MAP3K7CL: variants seen among roughly 807,000 people sequenced by gnomAD.
MAP3K7CL encodes MAP3K7 C-terminal-like protein.
MAP3K7CL carries 16 observed loss-of-function variants against 18.6 expected under a neutral mutation model. That is an observed-to-expected ratio of 0.86 (90% CI 0.58 to 1.31). The LOEUF is 1.31. Among genes scored for constraint, MAP3K7CL ranks in the 50% most tolerant of loss-of-function variants. The probability of loss-of-function intolerance (pLI) is 0.00; values close to 1 mark genes in which losing one functional copy is unlikely to be tolerated. For missense variants in MAP3K7CL, 163 were observed against 174.4 expected (o/e 0.93, Z 0.37); for synonymous variants, 65 against 66.8 (o/e 0.97, Z 0.13).
intron 2 of MAP3K7CL, among the ~76,000 whole-genome samples, chr21:29,133,930 A>G (rs1747285641): frequency 6.6e-6 from 1 of 152,212 alleles, no homozygotes; most frequent in Non-Finnish European, 1.5e-5. Context: ...TCTAAATAGT[A>G]AGGTCTGAGG....
chr21:29,169,279 A>G (rs1236869594), intron 4 of MAP3K7CL, among the ~76,000 whole-genome samples: 2 of 152,176 alleles, frequency 1.3e-5, no homozygotes, highest in Non-Finnish European at 2.9e-5. Flanking sequence ...CCCAATAGAT[A>G]TTAGTACATT....
At chr21:29,085,502 G>A (rs953635675), upstream of MAP3K7CL, among the ~76,000 whole-genome samples, 6 of 140,914 alleles carry the variant, frequency 4.3e-5, no homozygotes, top group African/African-American at 1.6e-4. Context: ...AGCTGAGATC[G>A]TGCCACTGCA....
intron 2 of MAP3K7CL, among the ~76,000 whole-genome samples, chr21:29,141,258 G>A (rs910754986): frequency 3.3e-5 from 5 of 152,300 alleles, no homozygotes; most frequent in Middle Eastern, 3.4e-3. Flanking sequence ...GCTCACGCCT[G>A]TAATCCCAGC....
At chr21:29,101,118 T>C (rs2086222209) in intron 4 of MAP3K7CL, among the ~76,000 whole-genome samples, 1 of 152,032 alleles carries the variant, frequency 6.6e-6, no homozygotes, top group Admixed American at 6.6e-5. Context: ...TTTTTTATCT[T>C]ACGATTTCTG....
chr21:29,166,025 C>G (rs927240793), intron 4 of MAP3K7CL, among the ~76,000 whole-genome samples: 1 of 152,124 alleles, frequency 6.6e-6, no homozygotes, highest in Non-Finnish European at 1.5e-5. Context: ...ATTCAAAATC[C>G]TCTCTTTTAG....
At chr21:29,159,284 G>C (rs569946794) in intron 3 of MAP3K7CL, among the ~76,000 whole-genome samples, 16 of 152,284 alleles carry the variant, frequency 1.1e-4, no homozygotes, top group African/African-American at 3.8e-4. Flanking sequence ...ACCATGTTGC[G>C]GTCAGAAAGG....
At chr21:29,128,436 G>A (rs541555836), upstream of MAP3K7CL, among the ~76,000 whole-genome samples, 1 of 151,888 alleles carries the variant, frequency 6.6e-6, no homozygotes, top group African/African-American at 2.4e-5. Flanking sequence ...CCGAGTAGCT[G>A]GGGCTACAGG....
At chr21:29,093,679 G>C (rs2086070662) in intron 4 of MAP3K7CL, among the ~76,000 whole-genome samples, 1 of 151,696 alleles carries the variant, frequency 6.6e-6, no homozygotes, top group Non-Finnish European at 1.5e-5. Context: ...TAGTAGAGAT[G>C]GGGCTTCACC....
upstream of MAP3K7CL, among the ~76,000 whole-genome samples, chr21:29,129,975 T>A (rs1430018735): frequency 6.6e-6 from 1 of 152,250 alleles, no homozygotes; most frequent in Non-Finnish European, 1.5e-5. Flanking sequence ...ATCTTTCAGA[T>A]CTTTTGCCTA....
At chr21:29,088,827 G>A (rs184879387) in intron 1 of MAP3K7CL, among the ~76,000 whole-genome samples, 2 of 152,162 alleles carry the variant, frequency 1.3e-5, no homozygotes, top group East Asian at 3.9e-4. Context: ...AGAAATCTTG[G>A]GGTGTGACTG....
intron 2 of MAP3K7CL, among the ~76,000 whole-genome samples, chr21:29,148,892 T>G (rs958097805): frequency 6.6e-6 from 1 of 152,186 alleles, no homozygotes; most frequent in African/African-American, 2.4e-5. Flanking sequence ...ATTTTTTGGT[T>G]TTGGCCAATG....
chr21:29,168,733 C>T (rs975755590), intron 4 of MAP3K7CL, among the ~76,000 whole-genome samples: 6 of 152,118 alleles, frequency 3.9e-5, no homozygotes, highest in African/African-American at 1.4e-4. Flanking sequence ...TATTTATATC[C>T]TACTGCTCAA....
rs558889087 is a variant in MAP3K7CL at position 29,123,838 on chromosome 21, G to A, written c.371-25351G>A. On this transcript the variant is annotated intron_variant, in intron 4 of 6. Transcript: ENST00000286791. ...ACACACTGGGATATTAACAGATGAT[G>A]AGAAATTTATGTTTTCCTTAGGATA... Among the ~76,000 whole-genome samples, 22 of 152,226 alleles carry A rather than the reference G, an allele frequency of 1.4e-4. No homozygotes were observed. The South Asian group carries it at 3.7e-3, about 26-fold the overall frequency.
chr21:29,142,242 T>C (rs2087025048), intron 2 of MAP3K7CL, among the ~76,000 whole-genome samples: 1 of 152,156 alleles, frequency 6.6e-6, no homozygotes, highest in Admixed American at 6.5e-5. Context: ...TTGTTTTGTA[T>C]TTTTTGTAGG....
intron 2 of MAP3K7CL, among the ~76,000 whole-genome samples, chr21:29,143,527 A>G (rs2087055148): frequency 6.6e-6 from 1 of 151,730 alleles, no homozygotes; most frequent in Non-Finnish European, 1.5e-5. Context: ...GGTTCAAGCA[A>G]TTCTCCTGCC....
At chr21:29,130,549 T>C, upstream of MAP3K7CL, 1 of 961,968 alleles carries the variant, frequency 1.0e-6, no homozygotes. Context: ...CCAGGACTAA[T>C]GAATTAAAAC....
intron 4 of MAP3K7CL, among the ~76,000 whole-genome samples, chr21:29,120,319 T>C (rs1410759333): frequency 6.6e-6 from 1 of 152,206 alleles, no homozygotes; most frequent in Non-Finnish European, 1.5e-5. Context: ...ATTTGAGCCA[T>C]ATACCATAAA....
intron 2 of MAP3K7CL, among the ~76,000 whole-genome samples, chr21:29,148,591 A>G (rs1467811658): frequency 6.6e-6 from 1 of 152,134 alleles, no homozygotes; most frequent in Admixed American, 6.6e-5. Context: ...CTCCCTAACA[A>G]AGCTGTGAAT....
intron 1 of MAP3K7CL, among the ~76,000 whole-genome samples, chr21:29,087,510 T>A (rs2085944487): frequency 6.6e-6 from 1 of 152,034 alleles, no homozygotes; most frequent in African/African-American, 2.4e-5. Flanking sequence ...ACAGAGAGGT[T>A]AAGCTATGTC....
Sources: gnomAD v4.1 joint callset for allele counts (sites outside exome capture counted in the v4.1 genomes callset) on GRCh38, gnomAD v4.1.1 for gene constraint, MANE v1.5 for transcripts, NCBI Gene and HGNC (gene_info 2026-07-23, HGNC 2026-07-21) for gene names.